Variants in NBAS observed in about 807,000 individuals in gnomAD.
NBAS encodes NAG/BC035112 fusion.
In NBAS, 219 loss-of-function variants were observed where a neutral mutation model predicts 302.5. That is an observed-to-expected ratio of 0.72 (90% CI 0.65 to 0.81). The LOEUF (loss-of-function observed/expected upper bound fraction) is 0.81, where lower values mean the gene tolerates loss of function less well. Among genes scored for constraint, NBAS ranks in the 30% least tolerant of loss-of-function variants. NBAS has a pLI of 0.00. For missense variants in NBAS, 2,932 were observed against 2,841.6 expected, an observed-to-expected ratio of 1.03 and a Z score of -0.72; for synonymous variants, 1,118 against 1,021.6, an observed-to-expected ratio of 1.09 and a Z score of -1.80.
intron 25 of NBAS, among the ~76,000 whole-genome samples, chr2:15,404,301 A>G (rs984341473): frequency 6.6e-6 from 1 of 152,120 alleles, no homozygotes; most frequent in Non-Finnish European, 1.5e-5. Context: ...ATTCAGGAAG[A>G]ATGAAAGAAA....
intron 25 of NBAS, among the ~76,000 whole-genome samples, chr2:15,408,803 C>T (rs1054798569): frequency 6.6e-6 from 1 of 152,108 alleles, no homozygotes; most frequent in Non-Finnish European, 1.5e-5. Flanking sequence ...AAAATGCGAA[C>T]AATGATAGCT....
intron 38 of NBAS, among the ~76,000 whole-genome samples, chr2:15,322,383 A>G (rs955806202): frequency 6.6e-6 from 1 of 152,166 alleles, no homozygotes; most frequent in Admixed American, 6.5e-5. Flanking sequence ...AACTTAAAGT[A>G]TAATAAAAAA....
At chr2:14,792,224 C>T in the NBAS span, among the ~76,000 whole-genome samples, 3 of 152,270 alleles carry the variant, frequency 2.0e-5, no homozygotes, top group East Asian at 3.9e-4. Context: ...AGACACTCCT[C>T]GACTTACAAT....
the NBAS span, among the ~76,000 whole-genome samples, chr2:14,952,040 G>T: frequency 6.6e-6 from 1 of 152,166 alleles, no homozygotes; most frequent in Non-Finnish European, 1.5e-5. Flanking sequence ...TAGAATTCCA[G>T]ATGGTAGAGC....
chr2:15,167,101 G>T lies in NBAS; in HGVS notation c.7063C>A (p.Gln2355Lys). The T allele has an allele frequency of 6.2e-7, 1 of 1,613,228 alleles. No homozygotes were observed. The highest frequency in any genetic ancestry group is 8.5e-7 in the Non-Finnish European group (1 of 1,179,400). ...SLLLAVRGTH[Q>K]AFRTFSTALR... ...GCTGTACTGAAGGTTCTGAAGGCCT[G>T]GTGAGTCCCCCTCACGGCCAGAAGG... Residue 2355 changes from glutamine (Q) to lysine (K), a missense_variant, in exon 52 of 52, where the codon CAG becomes AAG. Gln to Lys is a moderately conservative substitution (Grantham distance 53). Transcript: ENST00000281513.
At chr2:15,004,740 C>G in the NBAS span, among the ~76,000 whole-genome samples, 2 of 140,126 alleles carry the variant, frequency 1.4e-5, no homozygotes, top group Non-Finnish European at 3.0e-5. Context: ...AACTTCTGAA[C>G]TCAAGCGATC....
chr2:15,488,531 A>G (rs1680727786), intron 12 of NBAS, among the ~76,000 whole-genome samples: 1 of 152,156 alleles, frequency 6.6e-6, no homozygotes, highest in African/African-American at 2.4e-5. Flanking sequence ...TTTGAAAAGA[A>G]TTGTAACCCT....
chr2:15,186,511 G>A (rs546227368), intron 50 of NBAS, among the ~76,000 whole-genome samples: 82 of 152,150 alleles, frequency 5.4e-4, no homozygotes, highest in Admixed American at 8.5e-4. Flanking sequence ...CTGAAAACTG[G>A]GTTATATTCT....
intron 25 of NBAS, 27 bp from the exon 26 acceptor site, chr2:15,402,328 A>T (rs376161590): frequency 1.2e-6 from 2 of 1,611,032 alleles, no homozygotes; most frequent in South Asian, 2.2e-5. Context: ...ATGTTGTACT[A>T]AATGTCAACA....
intron 51 of NBAS, among the ~76,000 whole-genome samples, chr2:15,178,734 T>C (rs1304573424): frequency 6.6e-6 from 1 of 152,212 alleles, no homozygotes; most frequent in East Asian, 1.9e-4. Context: ...TGTAGAAAAC[T>C]GTCTTCTTAT....
At position 15,561,128 on chromosome 2, in the gene NBAS, G is replaced by C. The variant is rs992758124; in HGVS notation, c.117+60C>G. ...CTCCCCTACGTGGCTCCTGCTACGT[G>C]GCTCTACCCACGAAGCGCCCGCGCC... On this transcript the variant is annotated intron_variant, in intron 1 of 51. Transcript: ENST00000281513. 1.3e-5 allele frequency: 18 copies of C among 1,427,844 alleles called. No homozygotes were observed. The African/African-American group carries it at 2.5e-4, about 20-fold the overall frequency. The allele number at this position is 1,427,844 out of a possible 1,614,324, so 88.4% of individuals were successfully genotyped here. A position where few individuals can be genotyped will look rare whatever the true frequency, so the allele number is the denominator to read the frequency against.
At chr2:15,085,719 TC>T in the NBAS span, among the ~76,000 whole-genome samples, 1 of 152,084 alleles carries the variant, frequency 6.6e-6, no homozygotes, top group Non-Finnish European at 1.5e-5. Context: ...TCTTGTATGC[TC>T]AGAAGTGCCT....
At chr2:15,163,293 G>C (rs1663939583), downstream of NBAS, among the ~76,000 whole-genome samples, 1 of 152,214 alleles carries the variant, frequency 6.6e-6, no homozygotes, top group African/African-American at 2.4e-5. Context: ...TCCAGAGTGG[G>C]ACTAGAAGGG....
the NBAS span, among the ~76,000 whole-genome samples, chr2:15,056,264 G>C: frequency 6.6e-6 from 1 of 152,170 alleles, no homozygotes; most frequent in African/African-American, 2.4e-5. Context: ...TGATAGGAAA[G>C]AATCAATGTT....
the NBAS span, among the ~76,000 whole-genome samples, chr2:15,094,523 C>T: frequency 1.3e-5 from 2 of 152,268 alleles, no homozygotes; most frequent in Admixed American, 6.5e-5. Flanking sequence ...AATATAACTC[C>T]GGGATTAAGC....
At position 15,327,379 on chromosome 2, in the gene NBAS, C is replaced by T. The variant is rs79926431; in HGVS notation, c.4582+371G>A. 7.0e-3 allele frequency among the ~76,000 whole-genome samples: 1,066 copies of T among 152,228 alleles called. 16 individuals are homozygous for T. The highest frequency in any genetic ancestry group is 0.025 in the African/African-American group (1,024 of 41,538). ...AATTTCCACATGGAAAGATATTCCA[C>T]CAAGCAGAAAATTCTGAAGATCAAA... is the stretch of plus-strand genomic sequence containing the variant. On this transcript the variant is annotated intron_variant, in intron 38 of 51. Transcript: ENST00000281513.
In NBAS at chr2:15,374,686, C is replaced by G. The variant is rs147660312; in HGVS notation, c.3625G>C (p.Ala1209Pro). The change falls in exon 31 of 52, where the codon GCC becomes CCC. Residue 1209 changes from alanine (A) to proline (P), a missense_variant. Transcript: ENST00000281513. ...ATAAGATCTAGCTCCTCTTGAATGG[C>G]AGGGGGTCTGTCTGTTATCAGTTGT... Reference protein sequence around the residue: ...CLQLITDRPPAIQEELDLIQA... With the variant: ...CLQLITDRPPPIQEELDLIQA... The G allele has an allele frequency of 4.0e-5, 64 of 1,613,746 alleles. No individual in the cohort carries two copies. The African/African-American group carries it at 8.3e-4, about 21-fold the overall frequency.
chr2:15,034,046 G>A, the NBAS span, among the ~76,000 whole-genome samples: 18 of 83,432 alleles, frequency 2.2e-4, no homozygotes, highest in East Asian at 1.6e-3. Context: ...GAAGGAGGAG[G>A]AGGAGGAGGA....
rs57549382 is a variant in NBAS, at chr2:15,468,324, G to A, written c.1877+58C>T. On this transcript the variant is annotated intron_variant, in intron 17 of 51. Coordinates refer to ENST00000281513, the MANE Select transcript of NBAS (RefSeq NM_015909.4). ...AAAGTTTACCCAGTCCAATGTCTCA[G>A]TACAAAAGTTTTCACAAAGTCACCT... 11,215 of 1,593,154 alleles carry A rather than the reference G, an allele frequency of 7.0e-3. 254 individuals are homozygous for A. The highest frequency in any genetic ancestry group is 0.05 in the East Asian group (2,235 of 44,740).
Sources: allele counts gnomAD v4.1 joint callset (sites outside exome capture counted in the v4.1 genomes callset), GRCh38; gene constraint gnomAD v4.1.1; transcripts MANE v1.5; gene names NCBI Gene and HGNC (gene_info 2026-07-23, HGNC 2026-07-21).